Variants in CNTN5 observed in about 807,000 individuals in gnomAD.
CNTN5 encodes contactin-5.
CNTN5 carries 77 observed loss-of-function variants against 129.1 expected under a neutral mutation model. The observed-to-expected ratio is 0.60, with a 90% CI of 0.50 to 0.72. The LOEUF (loss-of-function observed/expected upper bound fraction) is 0.72, where lower values mean the gene tolerates loss of function less well. CNTN5 is among the 30% of genes least tolerant of loss of function. The pLI, the probability that CNTN5 is intolerant of heterozygous loss-of-function variation, is 0.00. For synonymous variants in CNTN5, 509 were observed against 465.6 expected, an observed-to-expected ratio of 1.09 and a Z score of -1.20; for missense variants, 1,478 against 1,328.8, an observed-to-expected ratio of 1.11 and a Z score of -1.75.
intron 2 of CNTN5, among the ~76,000 whole-genome samples, chr11:99,438,805 C>T (rs1943700980): frequency 6.6e-6 from 1 of 151,912 alleles, no homozygotes; most frequent in South Asian, 2.1e-4. Context: ...ACATATATAC[C>T]TCTGGCACTG....
chr11:99,684,680 T>C (rs1281632494), intron 3 of CNTN5, among the ~76,000 whole-genome samples: 1 of 151,920 alleles, frequency 6.6e-6, no homozygotes, highest in Non-Finnish European at 1.5e-5. Context: ...ATATCTATTG[T>C]TTTTGTTAGC....
At chr11:99,785,175 C>T (rs1945473383) in intron 3 of CNTN5, among the ~76,000 whole-genome samples, 1 of 152,056 alleles carries the variant, frequency 6.6e-6, no homozygotes. Context: ...AGCTTTGTTT[C>T]ATATGTTTAT....
intron 3 of CNTN5, among the ~76,000 whole-genome samples, chr11:99,744,988 T>A (rs970903878): frequency 1.3e-5 from 2 of 152,184 alleles, no homozygotes; most frequent in African/African-American, 4.8e-5. Context: ...ATTACAAAGA[T>A]CAGTCCTTCC....
intron 1 of CNTN5, among the ~76,000 whole-genome samples, chr11:99,296,070 C>T (rs1864376667): frequency 6.6e-6 from 1 of 152,062 alleles, no homozygotes; most frequent in Non-Finnish European, 1.5e-5. Context: ...AATAGGCCCC[C>T]TTTTAATTTC....
intron 2 of CNTN5, among the ~76,000 whole-genome samples, chr11:99,476,422 T>G (rs569281131): frequency 6.6e-6 from 1 of 152,256 alleles, no homozygotes; most frequent in Admixed American, 6.5e-5. Flanking sequence ...TAATAAAATA[T>G]AATTCACCAT....
chr11:100,172,008 A>C (rs1947841845), intron 13 of CNTN5, among the ~76,000 whole-genome samples: 3 of 152,074 alleles, frequency 2.0e-5, no homozygotes, highest in South Asian at 2.1e-4. Context: ...ATTCATGTTA[A>C]TACACATACT....
intron 1 of CNTN5, among the ~76,000 whole-genome samples, chr11:99,121,996 T>G (rs1858362433): frequency 6.6e-6 from 1 of 151,990 alleles, no homozygotes. Context: ...TATATATTTT[T>G]ATTATACTTT....
intron 7 of CNTN5, among the ~76,000 whole-genome samples, chr11:99,917,254 A>G (rs944301970): frequency 3.9e-5 from 6 of 152,104 alleles, no homozygotes; most frequent in African/African-American, 1.4e-4. Context: ...TACCACTCCA[A>G]TTCCTGTACA....
At chr11:99,173,439 C>T (rs889464927) in intron 1 of CNTN5, among the ~76,000 whole-genome samples, 2 of 152,076 alleles carry the variant, frequency 1.3e-5, no homozygotes, top group Non-Finnish European at 2.9e-5. Context: ...GGAGACTTCT[C>T]TATATGTTCC....
chr11:100,068,875 A>G (rs1481906108), intron 10 of CNTN5, among the ~76,000 whole-genome samples: 1 of 152,192 alleles, frequency 6.6e-6, no homozygotes, highest in African/African-American at 2.4e-5. Flanking sequence ...CCTCTTAGAA[A>G]CAAGTAACTA....
chr11:99,421,627 T>C (rs1003456623), intron 2 of CNTN5, among the ~76,000 whole-genome samples: 1 of 152,206 alleles, frequency 6.6e-6, no homozygotes, highest in African/African-American at 2.4e-5. Context: ...TTTATGACTT[T>C]TTTGCATTTC....
intron 3 of CNTN5, among the ~76,000 whole-genome samples, chr11:99,789,477 A>G (rs1446604189): frequency 6.6e-6 from 1 of 152,042 alleles, no homozygotes; most frequent in Non-Finnish European, 1.5e-5. Context: ...ATAAACTGCA[A>G]TAAACTATCA....
intron 3 of CNTN5, among the ~76,000 whole-genome samples, chr11:99,699,783 C>A (rs631773): frequency 0.59 from 88,473 of 151,032 alleles, 26,213 homozygotes; most frequent in Middle Eastern, 0.75. Context: ...TTATTGTCTT[C>A]CTTTTCTCTT....
intron 15 of CNTN5, among the ~76,000 whole-genome samples, chr11:100,197,989 T>A (rs925051501): frequency 1.3e-5 from 2 of 151,902 alleles, no homozygotes; most frequent in Admixed American, 1.3e-4. Flanking sequence ...CCCATTTTTT[T>A]AATGAGGAAA....
intron 2 of CNTN5, among the ~76,000 whole-genome samples, chr11:99,494,245 TTTAGA>T (rs1453518158): frequency 1.3e-5 from 2 of 152,188 alleles, no homozygotes; most frequent in African/African-American, 4.8e-5. Flanking sequence ...CCTCTTAATC[TTTAGA>T]TTAATGTGTC....
At chr11:99,049,576 T>G (rs998840951) in intron 1 of CNTN5, 1 of 152,110 alleles carries the variant, frequency 6.6e-6, no homozygotes, top group African/African-American at 2.4e-5. Context: ...AATAATAATT[T>G]TTTTCAAATC....
chr11:99,613,270 T>C lies in CNTN5; in HGVS notation c.55+57001T>C, dbSNP rs181285593. On this transcript the variant is annotated intron_variant, in intron 3 of 24. Transcript: ENST00000524871. ...GTTTTCCCCGTGCTGTTCTCTGCCA[T>C]GGTGAGTTAGCTCTCATGAGATCTG... 4.5e-3 allele frequency among the ~76,000 whole-genome samples: 690 copies of C among 152,276 alleles called. 5 individuals are homozygous for C. Among genetic ancestry groups the C allele is most frequent in the Non-Finnish European group, 6.5e-3 (444 of 68,018 alleles).
chr11:99,095,386 G>A (rs1319814139), intron 1 of CNTN5, among the ~76,000 whole-genome samples: 1 of 151,784 alleles, frequency 6.6e-6, no homozygotes, highest in Non-Finnish European at 1.5e-5. Context: ...ATACAAAATG[G>A]TGAGAGTGAT....
intron 1 of CNTN5, among the ~76,000 whole-genome samples, chr11:99,147,901 CAGATGCTAACGT>C (rs1321774707): frequency 6.6e-6 from 1 of 151,828 alleles, no homozygotes; most frequent in African/African-American, 2.4e-5. Flanking sequence ...AATTCAATGA[CAGATGCTAACGT>C]ATTTATATGT....
Sources: allele counts gnomAD v4.1 joint callset (sites outside exome capture counted in the v4.1 genomes callset), GRCh38; gene constraint gnomAD v4.1.1; transcripts MANE v1.5; gene names NCBI Gene and HGNC (gene_info 2026-07-23, HGNC 2026-07-21).